Variants in TOP2B observed in about 807,000 individuals in gnomAD.
The protein encoded by TOP2B is DNA topoisomerase II beta.
In TOP2B, 51 loss-of-function variants were observed where a neutral mutation model predicts 193.5. The ratio of observed to expected loss-of-function variants is 0.26; its 90% CI spans 0.21 to 0.33. TOP2B has a LOEUF of 0.33. Ranked by LOEUF, TOP2B falls within the 10% of genes least tolerant of loss-of-function variation. TOP2B has a pLI of 1.00. For missense variants in TOP2B, 1,378 were observed against 1,909.3 expected (o/e 0.72, Z 5.19); for synonymous variants, 634 against 635.7 (o/e 1.00, Z 0.04).
chr3:25,604,901 G>C (rs758937149), intron 32 of TOP2B, 31 bp from the exon 33 acceptor site: 2 of 1,514,254 alleles, frequency 1.3e-6, no homozygotes, highest in African/African-American at 1.4e-5. Flanking sequence ...TTTTAGTAAA[G>C]AGATGTTATA....
At chr3:25,656,986 T>C (rs769352768) in intron 1 of TOP2B, among the ~76,000 whole-genome samples, 3 of 152,194 alleles carry the variant, frequency 2.0e-5, no homozygotes, top group Non-Finnish European at 2.9e-5. Context: ...CTAGAGGCTA[T>C]GCAAAAACAA....
At chr3:25,658,141 T>C (rs977204319) in intron 1 of TOP2B, among the ~76,000 whole-genome samples, 3 of 145,544 alleles carry the variant, frequency 2.1e-5, no homozygotes, top group Admixed American at 1.4e-4. Flanking sequence ...GGCAGGAGAA[T>C]CGCCAAGAAC....
intron 4 of TOP2B, among the ~76,000 whole-genome samples, chr3:25,639,441 G>A (rs1368654544): frequency 6.6e-6 from 1 of 152,098 alleles, no homozygotes; most frequent in Non-Finnish European, 1.5e-5. Context: ...CCAAGTAGCT[G>A]GGATTACAGA....
chr3:25,612,791 A>T (rs1387545788), intron 27 of TOP2B, 82 bp from the exon 28 acceptor site: 2 of 1,019,708 alleles, frequency 2.0e-6, no homozygotes, highest in African/African-American at 3.2e-5. Context: ...ACTGAAACAA[A>T]TGTTATTCAC....
intron 1 of TOP2B, among the ~76,000 whole-genome samples, chr3:25,651,439 T>C (rs889048178): frequency 7.5e-6 from 1 of 132,666 alleles, no homozygotes; most frequent in African/African-American, 2.9e-5. Context: ...AATCAAAACA[T>C]GTCACTAAAA....
At position 25,615,590 on chromosome 3, in the gene TOP2B, TA is replaced by T; in HGVS notation, c.3352-5del. 2 of 1,521,640 alleles carry T rather than the reference TA, an allele frequency of 1.3e-6. No individual in the cohort carries two copies. The allele number at this position is 1,521,640 out of a possible 1,614,324, so 94.3% of individuals were successfully genotyped here. On this transcript the variant is annotated splice_region_variant and splice_polypyrimidine_tract_variant and intron_variant, in intron 25 of 35. Transcript: ENST00000264331. ...GTGTTTCATCCTCTTCTGCTGCCTGTAAAAAATAACAAACTGTATATTAAAG... is the reference window on the plus strand; with the variant it reads ...GTGTTTCATCCTCTTCTGCTGCCTGTAAAAATAACAAACTGTATATTAAAG...
At chr3:25,633,014 C>T (rs919747694) in intron 8 of TOP2B, among the ~76,000 whole-genome samples, 1 of 152,032 alleles carries the variant, frequency 6.6e-6, no homozygotes, top group Non-Finnish European at 1.5e-5. Context: ...TCAATTCTAA[C>T]ACCAATTCTC....
At chr3:25,662,704 TA>T (rs1046077598) in intron 1 of TOP2B, among the ~76,000 whole-genome samples, 1 of 152,230 alleles carries the variant, frequency 6.6e-6, no homozygotes, top group African/African-American at 2.4e-5. Flanking sequence ...AACAGTTAAT[TA>T]AAGTACTGCT....
rs574118645 is a variant in TOP2B at position 25,645,537 on chromosome 3, G to A, written c.70-67C>T. On this transcript the variant is annotated intron_variant, in intron 1 of 35. Coordinates refer to ENST00000264331, the MANE Select transcript of TOP2B (RefSeq NM_001330700.2). ...GGGTAGACAATGAGTATGGACACAC[G>A]ACATGGGTTTTCTTTTTTAATGGCA... The A allele has an allele frequency of 4.0e-4, 479 of 1,200,282 alleles. No individual in the cohort carries two copies. The Middle Eastern group carries it at 6.4e-3, about 16-fold the overall frequency. The allele number at this position is 1,200,282 out of a possible 1,614,324, so 74.4% of individuals were successfully genotyped here.
chr3:25,658,648 T>A (rs567883839), intron 1 of TOP2B, among the ~76,000 whole-genome samples: 2 of 152,150 alleles, frequency 1.3e-5, no homozygotes, highest in African/African-American at 4.8e-5. Flanking sequence ...AATAACTATA[T>A]AGACTATATA....
rs1318823818 is a variant in TOP2B at position 25,623,744 on chromosome 3, G to A, written c.2498C>T (p.Thr833Ile). 3.1e-6 allele frequency: 5 copies of A among 1,599,166 alleles called. No individual in the cohort carries two copies. In the East Asian group the frequency reaches 6.7e-5, roughly 21 times the overall value. Residue 833 changes from threonine (T) to isoleucine (I), a missense_variant and splice_region_variant, in exon 21 of 36, where the codon ACT becomes ATT. Physicochemically the swap from Thr to Ile is moderately conservative, Grantham distance 89. This residue lies in a region of TOP2B where 379 missense variants were observed against 615.1 expected (regional missense o/e 0.62). Transcript: ENST00000264331. ...SPRYIFTMLS[T>I]LARLLFPAVD... is the part of the protein sequence containing the mutation. ...AGCAGGAAAAAGTAGCCTTGCTAAA[G>A]TGCTAATGAAAACAAAAAGAAGCAA...
chr3:25,610,503 C>T (rs1018670995), intron 28 of TOP2B, among the ~76,000 whole-genome samples: 1 of 152,174 alleles, frequency 6.6e-6, no homozygotes, highest in Non-Finnish European at 1.5e-5. Flanking sequence ...GAGGGAAGGG[C>T]ATCCCAGGCA....
chr3:25,629,228 T>C (rs1456616748), intron 13 of TOP2B, 83 bp from the exon 14 acceptor site: 4 of 994,500 alleles, frequency 4.0e-6, no homozygotes, highest in Non-Finnish European at 5.7e-6. Flanking sequence ...AAAACGTGAA[T>C]GCAAAAAACC....
chr3:25,629,127 T>C lies in TOP2B; in HGVS notation c.1708A>G (p.Ile570Val), dbSNP rs1302829713. Residue 570 changes from isoleucine (I) to valine (V), a missense_variant, in exon 14 of 36, where the codon ATA (isoleucine) becomes GTA (valine). Ile to Val is a conservative substitution (Grantham distance 29). This residue lies in a region of TOP2B where 7 missense variants were observed against 48.8 expected (regional missense o/e 0.14). Transcript: ENST00000264331. ...ATGAAATTAATAAGCAGGCCTTTTATGTGAGAACCATCTTGATCCTAAATA... is the reference window on the plus strand; with the variant it reads ...ATGAAATTAATAAGCAGGCCTTTTACGTGAGAACCATCTTGATCCTAAATA... ...MTDQDQDGSH[I>V]KGLLINFIHH... The C allele has an allele frequency of 6.3e-7, 1 of 1,593,528 alleles. No individual in the cohort carries two copies. The highest frequency in any genetic ancestry group is 8.5e-7 in the Non-Finnish European group (1 of 1,172,456).
In TOP2B at chr3:25,609,170, T is replaced by C; in HGVS notation, c.4093+13A>G. On this transcript the variant is annotated intron_variant, in intron 30 of 35. Coordinates refer to ENST00000264331, the MANE Select transcript of TOP2B (RefSeq NM_001330700.2). ...AACTATAATATACAGTAATATTAAATGTGTTACAATACCTGCTGCTCTCCT... is the reference window on the plus strand; with the variant it reads ...AACTATAATATACAGTAATATTAAACGTGTTACAATACCTGCTGCTCTCCT... The C allele has an allele frequency of 7.5e-6, 12 of 1,595,908 alleles. No individual in the cohort carries two copies. Among genetic ancestry groups the C allele is most frequent in the Non-Finnish European group, 9.4e-6 (11 of 1,169,798 alleles).
intron 5 of TOP2B, among the ~76,000 whole-genome samples, chr3:25,637,890 T>C (rs1187659906): frequency 1.3e-5 from 2 of 152,148 alleles, no homozygotes; most frequent in African/African-American, 2.4e-5. Flanking sequence ...TTTATATACA[T>C]AGACATCATA....
chr3:25,648,913 T>C lies in TOP2B; in HGVS notation c.70-3443A>G, dbSNP rs367621747. ...AATTGAGCCTAAAGAAATGGAAATATATTGTCATACAAAGAATTCAAATTA... is the reference window on the plus strand; with the variant it reads ...AATTGAGCCTAAAGAAATGGAAATACATTGTCATACAAAGAATTCAAATTA... On this transcript the variant is annotated intron_variant, in intron 1 of 35. Coordinates refer to ENST00000264331, the MANE Select transcript of TOP2B (RefSeq NM_001330700.2). 5.9e-5 allele frequency among the ~76,000 whole-genome samples: 9 copies of C among 152,258 alleles called. No individual in the cohort carries two copies. The South Asian group carries it at 6.2e-4, about 11-fold the overall frequency.
chr3:25,605,440 T>C (rs751398539), intron 32 of TOP2B, among the ~76,000 whole-genome samples: 4 of 152,126 alleles, frequency 2.6e-5, no homozygotes, highest in Non-Finnish European at 5.9e-5. Flanking sequence ...TAAATATGTT[T>C]ACACAACTCT....
chr3:25,638,022 G>T, intron 5 of TOP2B, 143 bp downstream of exon 5: 4 of 823,602 alleles, frequency 4.9e-6, no homozygotes, highest in South Asian at 1.8e-5. Flanking sequence ...CTATTACCAA[G>T]ACAATATTTA....
Sources: allele counts gnomAD v4.1 joint callset (sites outside exome capture counted in the v4.1 genomes callset), GRCh38; gene constraint gnomAD v4.1.1; regional missense constraint gnomAD v4.1.1; transcripts MANE v1.5; gene names NCBI Gene and HGNC (gene_info 2026-07-23, HGNC 2026-07-21).